The following SNX7 variants were observed in gnomAD, a reference collection of about 807,000 sequenced individuals.
SNX7 encodes sorting nexin-7.
SNX7 carries 35 observed loss-of-function variants against 48.4 expected under a neutral mutation model. The observed-to-expected ratio is 0.72, with a 90% CI of 0.55 to 0.96. SNX7 has a LOEUF of 0.96. SNX7 is among the 40% of genes least tolerant of loss of function. The pLI is 0.00. For synonymous variants in SNX7, 190 were observed against 190.2 expected, an observed-to-expected ratio of 1.00 and a Z score of 0.01; for missense variants, 553 against 548.9, an observed-to-expected ratio of 1.01 and a Z score of -0.07.
In SNX7 at chr1:98,691,168, C is replaced by T. The variant is rs1040924393; in HGVS notation, c.457C>T (p.Pro153Ser). ...GAAGGGAAAACTGGAAGAAGCACACCCCACTCTGATTATTCCAGTAAGTTT... is the reference window on the plus strand; with the variant it reads ...GAAGGGAAAACTGGAAGAAGCACACTCCACTCTGATTATTCCAGTAAGTTT... Reference protein sequence around the residue: ...WLKGKLEEAHPTLIIPPLPEK... With the variant: ...WLKGKLEEAHSTLIIPPLPEK... The change falls in exon 3 of 9, where the codon CCC (proline) becomes TCC (serine). Residue 153 changes from proline to serine, a missense_variant. Pro to Ser is a moderately conservative substitution (Grantham distance 74). Transcript: ENST00000306121. 6.2e-7 allele frequency: 1 copy of T among 1,606,638 alleles called. No homozygotes were observed.
intron 7 of SNX7, among the ~76,000 whole-genome samples, chr1:98,719,629 A>T (rs1052363204): frequency 2.0e-5 from 3 of 151,348 alleles, no homozygotes; most frequent in African/African-American, 7.3e-5. Context: ...TTATATTGTA[A>T]TTTTTTGTAC....
At chr1:98,703,995 C>T (rs186294070) in intron 7 of SNX7, among the ~76,000 whole-genome samples, 25 of 151,700 alleles carry the variant, frequency 1.6e-4, no homozygotes, top group Admixed American at 1.3e-3. Context: ...GAAGATTAAT[C>T]GGGATTGTTC....
intron 7 of SNX7, among the ~76,000 whole-genome samples, chr1:98,726,002 T>C (rs768832036): frequency 3.9e-5 from 6 of 152,194 alleles, no homozygotes; most frequent in Non-Finnish European, 8.8e-5. Flanking sequence ...TGGTTTTCTT[T>C]TCTTACAGGT....
At chr1:98,707,062 G>T (rs1489895311) in intron 7 of SNX7, among the ~76,000 whole-genome samples, 1 of 152,088 alleles carries the variant, frequency 6.6e-6, no homozygotes, top group Non-Finnish European at 1.5e-5. Context: ...CATTTGTCAA[G>T]GTCATTAAAG....
At chr1:98,673,271 A>G (rs1649977676) in intron 1 of SNX7, among the ~76,000 whole-genome samples, 1 of 152,124 alleles carries the variant, frequency 6.6e-6, no homozygotes, top group South Asian at 2.1e-4. Context: ...CTGTTCCTCA[A>G]ATATTCTTCC....
chr1:98,702,709 T>C (rs1186040477), intron 7 of SNX7, among the ~76,000 whole-genome samples: 1 of 152,098 alleles, frequency 6.6e-6, no homozygotes. Context: ...GGATTGGAGG[T>C]GATGACGTCT....
chr1:98,669,355 C>T (rs1190426195), intron 1 of SNX7, among the ~76,000 whole-genome samples: 1 of 152,186 alleles, frequency 6.6e-6, no homozygotes, highest in Non-Finnish European at 1.5e-5. Context: ...TTGAAATAGC[C>T]TCATAAGGTC....
intron 1 of SNX7, among the ~76,000 whole-genome samples, chr1:98,666,926 C>G (rs757818151): frequency 1.3e-5 from 2 of 152,160 alleles, no homozygotes; most frequent in African/African-American, 4.8e-5. Flanking sequence ...CAGCCCTAGC[C>G]GAAGTCCCTG....
intron 7 of SNX7, among the ~76,000 whole-genome samples, chr1:98,709,218 T>C (rs1652173825): frequency 6.6e-6 from 1 of 152,228 alleles, no homozygotes; most frequent in East Asian, 1.9e-4. Flanking sequence ...CTATAAACGA[T>C]GTTAAAGGAA....
intron 7 of SNX7, among the ~76,000 whole-genome samples, chr1:98,716,068 T>C (rs1209325973): frequency 6.6e-6 from 1 of 152,180 alleles, no homozygotes; most frequent in Non-Finnish European, 1.5e-5. Flanking sequence ...TAGTTCCCTT[T>C]CTGACAGCGA....
At chr1:98,690,478 A>G (rs1366426949) in intron 2 of SNX7, among the ~76,000 whole-genome samples, 1 of 152,082 alleles carries the variant, frequency 6.6e-6, no homozygotes, top group Non-Finnish European at 1.5e-5. Flanking sequence ...TTCTTTGAGA[A>G]ATGACAGGAA....
At chr1:98,741,296 G>A (rs1382662068) in intron 8 of SNX7, among the ~76,000 whole-genome samples, 1 of 152,074 alleles carries the variant, frequency 6.6e-6, no homozygotes, top group African/African-American at 2.4e-5. Flanking sequence ...TATCAAAATG[G>A]CAGAGGGAAA....
chr1:98,723,774 T>C (rs1292659040), intron 7 of SNX7, among the ~76,000 whole-genome samples: 5 of 115,502 alleles, frequency 4.3e-5, no homozygotes, highest in Non-Finnish European at 1.0e-4. Flanking sequence ...GGAGAATTGC[T>C]TGATTGATCC....
chr1:98,713,286 A>G (rs1652418467), intron 7 of SNX7, among the ~76,000 whole-genome samples: 2 of 152,116 alleles, frequency 1.3e-5, no homozygotes, highest in African/African-American at 2.4e-5. Flanking sequence ...AACCTCTGCT[A>G]GCTTCAAACA....
intron 3 of SNX7, among the ~76,000 whole-genome samples, 171 bp downstream of exon 3, chr1:98,691,356 ACT>A (rs1269048735): frequency 2.6e-5 from 4 of 151,646 alleles, no homozygotes; most frequent in South Asian, 4.2e-4. Flanking sequence ...TTTAAAAAAA[ACT>A]CTTCATAATG....
intron 7 of SNX7, among the ~76,000 whole-genome samples, chr1:98,733,162 G>C (rs1053589751): frequency 2.6e-5 from 4 of 152,072 alleles, no homozygotes; most frequent in African/African-American, 9.7e-5. Context: ...CTCACTTTGC[G>C]ATACTATTTG....
In SNX7 at chr1:98,728,905, A is replaced by G. The variant is rs543289263; in HGVS notation, c.1126-9332A>G. Among the ~76,000 whole-genome samples, 683 of 152,296 alleles carry G rather than the reference A, an allele frequency of 4.5e-3. 1 individual carries two copies. The highest frequency in any genetic ancestry group is 0.015 in the South Asian group (72 of 4,824). On this transcript the variant is annotated intron_variant, in intron 7 of 8. Coordinates refer to ENST00000306121, the MANE Select transcript of SNX7 (RefSeq NM_015976.5). ...GATCATCAAGACTGAAAATTAACAAAGATATTCAGTACTTAAACTCAGCTA... is the reference window on the plus strand; with the variant it reads ...GATCATCAAGACTGAAAATTAACAAGGATATTCAGTACTTAAACTCAGCTA...
intron 8 of SNX7, among the ~76,000 whole-genome samples, chr1:98,756,434 T>TTTG (rs1654858769): frequency 6.9e-6 from 1 of 145,738 alleles, no homozygotes; most frequent in Non-Finnish European, 1.5e-5. Context: ...TTTTTTTTTT[T>TTTG]TTTTTTTTTT....
At chr1:98,663,257 T>G (rs12090989) in intron 1 of SNX7, among the ~76,000 whole-genome samples, 4,169 of 12,812 alleles carry the variant, frequency 0.33, 118 homozygotes, top group South Asian at 0.41. Context: ...TTTCTGGTTT[T>G]TTTTTTTTTT....
Sources: allele counts gnomAD v4.1 joint callset (sites outside exome capture counted in the v4.1 genomes callset), GRCh38; gene constraint gnomAD v4.1.1; transcripts MANE v1.5; gene names NCBI Gene and HGNC (gene_info 2026-07-23, HGNC 2026-07-21).